The following NKAIN3 variants were observed in gnomAD, a reference collection of about 807,000 sequenced individuals.
NKAIN3 encodes sodium/potassium transporting ATPase interacting 3, also known as sodium/potassium-transporting ATPase subunit beta-1-interacting protein 3.
In NKAIN3, 25 loss-of-function variants were observed where a neutral mutation model predicts 30.2. The observed-to-expected ratio is 0.83, with a 90% CI of 0.60 to 1.16. The LOEUF is 1.16. Ranked by LOEUF, NKAIN3 falls within the 50% of genes most tolerant of loss-of-function variation. The pLI, the probability that NKAIN3 is intolerant of heterozygous loss-of-function variation, is 0.00. For missense variants in NKAIN3, 225 were observed against 254.1 expected, an observed-to-expected ratio of 0.89 and a Z score of 0.78; for synonymous variants, 91 against 89.6, an observed-to-expected ratio of 1.02 and a Z score of -0.09.
At chr8:62,855,484 T>C in intron 4 of NKAIN3, 1 of 1,376,768 alleles carries the variant, frequency 7.3e-7, no homozygotes. Context: ...TATTTTGTTT[T>C]CTCTTGGTAA....
chr8:62,607,902 T>A (rs1461756070), intron 3 of NKAIN3, among the ~76,000 whole-genome samples: 1 of 152,166 alleles, frequency 6.6e-6, no homozygotes, highest in Non-Finnish European at 1.5e-5. Flanking sequence ...AAATGTATTC[T>A]CAATATTTAC....
At chr8:62,489,183 ATT>A (rs56881745) in intron 1 of NKAIN3, among the ~76,000 whole-genome samples, 26 of 142,604 alleles carry the variant, frequency 1.8e-4, no homozygotes, top group African/African-American at 4.4e-4. Flanking sequence ...CACCTGGCTA[ATT>A]TTTTTTTTTT....
In NKAIN3 at chr8:62,972,391, C is replaced by CTTTTTA. The variant is rs1056516104; in HGVS notation, c.*6997_*7002dup. On this transcript the variant is annotated 3_prime_UTR_variant, in exon 7 of 7. Coordinates refer to ENST00000623646, the MANE Select transcript of NKAIN3 (RefSeq NM_001304533.3). ...GTATATATTGGGGGGCAAAATATGA[C>CTTTTTA]TTTTTATTTTTATTTTTAACCACCA... is the stretch of plus-strand genomic sequence containing the variant. Among the ~76,000 whole-genome samples the CTTTTTA allele has an allele frequency of 6.6e-6, 1 of 151,968 alleles. No individual in the cohort carries two copies. The highest frequency in any genetic ancestry group is 1.9e-4 in the East Asian group (1 of 5,190).
intron 1 of NKAIN3, among the ~76,000 whole-genome samples, chr8:62,398,631 T>C (rs1817840710): frequency 6.6e-6 from 1 of 152,206 alleles, no homozygotes; most frequent in South Asian, 2.1e-4. Context: ...ATTATTCACA[T>C]AGGTAGTATT....
intron 4 of NKAIN3, among the ~76,000 whole-genome samples, chr8:62,866,009 T>A (rs1280742248): frequency 6.6e-6 from 1 of 152,178 alleles, no homozygotes; most frequent in Non-Finnish European, 1.5e-5. Flanking sequence ...TATGTGGCAC[T>A]TTAAAGGAAG....
At chr8:62,853,090 A>C (rs1819959259) in intron 4 of NKAIN3, among the ~76,000 whole-genome samples, 1 of 152,146 alleles carries the variant, frequency 6.6e-6, no homozygotes, top group Admixed American at 6.6e-5. Flanking sequence ...TGGGAGTTTA[A>C]GTCTCTTTCT....
At chr8:62,316,819 G>C (rs1814652609) in intron 1 of NKAIN3, among the ~76,000 whole-genome samples, 1 of 152,090 alleles carries the variant, frequency 6.6e-6, no homozygotes, top group African/African-American at 2.4e-5. Context: ...GGGTCAAATG[G>C]TATTTCTAGT....
intron 5 of NKAIN3, among the ~76,000 whole-genome samples, chr8:62,922,468 G>A (rs1039100039): frequency 6.6e-6 from 1 of 152,184 alleles, no homozygotes; most frequent in Non-Finnish European, 1.5e-5. Context: ...ATGTATGGAA[G>A]CCTCAGAGAA....
intron 4 of NKAIN3, among the ~76,000 whole-genome samples, chr8:62,821,749 A>G (rs1818853891): frequency 6.6e-6 from 1 of 152,082 alleles, no homozygotes; most frequent in Admixed American, 6.6e-5. Context: ...CAGCTCCTGT[A>G]CCCTTCTCTT....
chr8:62,521,692 C>T (rs1808165685), intron 1 of NKAIN3, among the ~76,000 whole-genome samples: 1 of 152,172 alleles, frequency 6.6e-6, no homozygotes, highest in Admixed American at 6.6e-5. Context: ...ATTGCAGCAT[C>T]TGGCTCTCTA....
intron 1 of NKAIN3, among the ~76,000 whole-genome samples, chr8:62,370,671 A>G (rs1287987012): frequency 6.6e-6 from 1 of 152,024 alleles, no homozygotes; most frequent in East Asian, 1.9e-4. Context: ...ATTTTTATCA[A>G]GAATGAAACA....
chr8:62,671,535 C>G (rs1386234670), intron 3 of NKAIN3, among the ~76,000 whole-genome samples: 1 of 152,038 alleles, frequency 6.6e-6, no homozygotes, highest in Non-Finnish European at 1.5e-5. Flanking sequence ...AATTTTATTA[C>G]TTTCCTAGAT....
At chr8:62,661,462 G>A (rs1812941449) in intron 3 of NKAIN3, among the ~76,000 whole-genome samples, 1 of 152,198 alleles carries the variant, frequency 6.6e-6, no homozygotes, top group South Asian at 2.1e-4. Flanking sequence ...TCTTTCTCAT[G>A]AGCCTCTACT....
intron 4 of NKAIN3, among the ~76,000 whole-genome samples, chr8:62,833,977 C>T (rs1014033301): frequency 2.6e-5 from 4 of 152,114 alleles, no homozygotes; most frequent in African/African-American, 9.6e-5. Context: ...GTTAATTCAC[C>T]ATGACCAAGT....
chr8:62,470,075 T>G (rs899525004), intron 1 of NKAIN3, among the ~76,000 whole-genome samples: 4 of 152,194 alleles, frequency 2.6e-5, no homozygotes, highest in African/African-American at 9.6e-5. Context: ...TACCATTACC[T>G]TATCAGACCT....
intron 4 of NKAIN3, among the ~76,000 whole-genome samples, chr8:62,823,609 C>A (rs76396230): frequency 6.6e-6 from 1 of 152,164 alleles, no homozygotes; most frequent in Non-Finnish European, 1.5e-5. Context: ...ATTAAGAAAG[C>A]CCTTCGTAAC....
intron 1 of NKAIN3, among the ~76,000 whole-genome samples, chr8:62,335,132 C>T (rs1815497034): frequency 6.6e-6 from 1 of 151,950 alleles, no homozygotes; most frequent in African/African-American, 2.4e-5. Flanking sequence ...ACATTTCTCC[C>T]ATCTTTGAAA....
Position 62,703,789 on chromosome 8 carries a change from G to A in NKAIN3, c.274-43143G>A, listed in dbSNP as rs530827259. ...CACACTTGATCTATTATTTGTCTAG[G>A]TGTAAAATGCTGGGCATAACATCAT... On this transcript the variant is annotated intron_variant, in intron 3 of 6. Transcript: ENST00000623646. Among the ~76,000 whole-genome samples the A allele has an allele frequency of 2.0e-5, 3 of 152,200 alleles. No homozygotes were observed. In the South Asian group the frequency reaches 6.2e-4, roughly 32 times the overall value.
chr8:62,489,111 G>C (rs1452605035), intron 1 of NKAIN3, among the ~76,000 whole-genome samples: 2 of 151,512 alleles, frequency 1.3e-5, no homozygotes, highest in African/African-American at 4.9e-5. Context: ...CTGCCTCCTG[G>C]GTTCATGCCA....
Sources: allele counts gnomAD v4.1 joint callset (sites outside exome capture counted in the v4.1 genomes callset), GRCh38; gene constraint gnomAD v4.1.1; transcripts MANE v1.5; gene names NCBI Gene and HGNC (gene_info 2026-07-23, HGNC 2026-07-21).